The following FGGY variants were observed in gnomAD, a reference collection of about 807,000 sequenced individuals.
FGGY encodes the protein FGGY carbohydrate kinase domain-containing protein.
In FGGY, 72 loss-of-function variants were observed where a neutral mutation model predicts 71.3. The ratio of observed to expected loss-of-function variants is 1.01; its 90% CI spans 0.84 to 1.23. FGGY has a LOEUF of 1.23. Among genes scored for constraint, FGGY ranks in the 50% most tolerant of loss-of-function variants. The pLI, the probability that FGGY is intolerant of heterozygous loss-of-function variation, is 0.00. For synonymous variants in FGGY, 251 were observed against 250.3 expected (o/e 1.00, Z -0.02); for missense variants, 668 against 682.3 (o/e 0.98, Z 0.23).
At chr1:59,485,581 T>C (rs2093633152) in intron 6 of FGGY, among the ~76,000 whole-genome samples, 1 of 148,260 alleles carries the variant, frequency 6.7e-6, no homozygotes, top group Non-Finnish European at 1.5e-5. Flanking sequence ...TGTTTATTTG[T>C]TTTTGCTGTT....
chr1:59,605,573 TC>T (rs1355324759), intron 8 of FGGY, among the ~76,000 whole-genome samples: 2 of 152,234 alleles, frequency 1.3e-5, no homozygotes, highest in East Asian at 3.8e-4. Context: ...ATCTTTTTTC[TC>T]CCTGAAATTA....
At chr1:59,416,401 A>C (rs938233890) in intron 5 of FGGY, among the ~76,000 whole-genome samples, 1 of 152,198 alleles carries the variant, frequency 6.6e-6, no homozygotes, top group Non-Finnish European at 1.5e-5. Flanking sequence ...ATAGTGAAAA[A>C]AAAGTTTGAG....
chr1:59,375,796 C>T (rs892987486), intron 4 of FGGY, among the ~76,000 whole-genome samples: 1 of 151,958 alleles, frequency 6.6e-6, no homozygotes, highest in African/African-American at 2.4e-5. Context: ...GTTCTGTTGT[C>T]CCACAGTGGC....
chr1:59,522,768 G>A (rs2094871108), intron 7 of FGGY, among the ~76,000 whole-genome samples: 1 of 152,196 alleles, frequency 6.6e-6, no homozygotes, highest in Non-Finnish European at 1.5e-5. Context: ...TTTGCCTAAG[G>A]TTACAGGACC....
chr1:59,685,141 C>G (rs1221611967), intron 14 of FGGY, among the ~76,000 whole-genome samples: 1 of 152,140 alleles, frequency 6.6e-6, no homozygotes, highest in Non-Finnish European at 1.5e-5. Flanking sequence ...TGGAGGGCAC[C>G]TATAGCTAGG....
intron 13 of FGGY, among the ~76,000 whole-genome samples, 186 bp downstream of exon 13, chr1:59,667,589 A>G (rs146073944): frequency 6.4e-4 from 98 of 152,298 alleles, no homozygotes; most frequent in African/African-American, 2.2e-3. Context: ...CATGATGGAG[A>G]AAGTGATTTC....
chr1:59,575,996 T>C (rs751003085), intron 8 of FGGY, among the ~76,000 whole-genome samples: 5 of 152,164 alleles, frequency 3.3e-5, no homozygotes, highest in South Asian at 2.1e-4. Flanking sequence ...TCTTCCCTTC[T>C]TTATATCTTC....
intron 5 of FGGY, among the ~76,000 whole-genome samples, chr1:59,439,071 C>A (rs17541875): frequency 0.017 from 2,636 of 152,196 alleles, 43 homozygotes; most frequent in Non-Finnish European, 0.026. Context: ...TCTCTTAATT[C>A]TTTGTCACTT....
chr1:59,668,280 T>C (rs2097343473), intron 13 of FGGY, among the ~76,000 whole-genome samples: 1 of 152,072 alleles, frequency 6.6e-6, no homozygotes. Context: ...TCCTTGCCCC[T>C]CTAGTGTCTC....
chr1:59,395,351 A>G (rs1320862036), intron 5 of FGGY, among the ~76,000 whole-genome samples: 2 of 152,230 alleles, frequency 1.3e-5, no homozygotes, highest in South Asian at 2.1e-4. Flanking sequence ...CCCTTGGTGT[A>G]TATTCTAATT....
intron 11 of FGGY, among the ~76,000 whole-genome samples, chr1:59,652,109 T>C (rs1260041471): frequency 2.6e-5 from 4 of 152,192 alleles, no homozygotes; most frequent in African/African-American, 9.7e-5. Context: ...GTAGGGTTTC[T>C]GCCGAGAGAT....
At chr1:59,665,570 A>G (rs2097315729) in intron 12 of FGGY, among the ~76,000 whole-genome samples, 1 of 151,970 alleles carries the variant, frequency 6.6e-6, no homozygotes, top group Admixed American at 6.6e-5. Flanking sequence ...CCCTGGGGTG[A>G]CAGCTCCCCA....
chr1:59,496,932 T>A (rs1164436383), intron 6 of FGGY, among the ~76,000 whole-genome samples: 2 of 152,198 alleles, frequency 1.3e-5, no homozygotes, highest in African/African-American at 4.8e-5. Flanking sequence ...TTTTAACATC[T>A]TTTTAAACTC....
At chr1:59,437,936 G>A (rs904028101) in intron 5 of FGGY, among the ~76,000 whole-genome samples, 1 of 152,210 alleles carries the variant, frequency 6.6e-6, no homozygotes, top group African/African-American at 2.4e-5. Flanking sequence ...CATTTAATGA[G>A]AGATTATCCA....
At chr1:59,463,790 G>A (rs1310543421) in intron 6 of FGGY, among the ~76,000 whole-genome samples, 2 of 152,028 alleles carry the variant, frequency 1.3e-5, no homozygotes, top group African/African-American at 4.8e-5. Flanking sequence ...AATGGTAAAG[G>A]GATCAATTCA....
chr1:59,698,749 A>T lies in FGGY; in HGVS notation c.1512+24616A>T, dbSNP rs189714808. On this transcript the variant is annotated intron_variant, in intron 14 of 15. Transcript: ENST00000303721. ...CAGAGTTGAGTTCGTTTTCCATTTC[A>T]TCTTTCTGCTTAAAGAGAAAGCCCT... 6.1e-6 allele frequency: 6 copies of T among 985,362 alleles called. No individual in the cohort carries two copies. In the East Asian group the frequency reaches 5.7e-4, roughly 93 times the overall value. The allele number at this position is 985,362 out of a possible 1,614,324, so 61.0% of individuals were successfully genotyped here.
intron 14 of FGGY, among the ~76,000 whole-genome samples, chr1:59,754,477 G>T (rs1213258527): frequency 6.6e-6 from 1 of 152,106 alleles, no homozygotes; most frequent in Non-Finnish European, 1.5e-5. Context: ...GTGCTGGAGT[G>T]CAGTGGTGCA....
chr1:59,570,878 T>C (rs1317436604), intron 8 of FGGY, among the ~76,000 whole-genome samples: 1 of 152,190 alleles, frequency 6.6e-6, no homozygotes, highest in Non-Finnish European at 1.5e-5. Context: ...TGGAGTGAGC[T>C]TCTTTTGTTT....
intron 5 of FGGY, among the ~76,000 whole-genome samples, chr1:59,455,252 C>G (rs1557979319): frequency 6.6e-6 from 1 of 152,120 alleles, no homozygotes; most frequent in Non-Finnish European, 1.5e-5. Context: ...GGAGAAGAAG[C>G]TTTTCACTCA....
Sources: allele counts gnomAD v4.1 joint callset (sites outside exome capture counted in the v4.1 genomes callset), GRCh38; gene constraint gnomAD v4.1.1; transcripts MANE v1.5; gene names NCBI Gene and HGNC (gene_info 2026-07-23, HGNC 2026-07-21).